Variants in ZFHX3 observed in about 807,000 individuals in gnomAD.
The protein encoded by ZFHX3 is zinc finger homeobox protein 3.
Under a neutral mutation model 279.1 loss-of-function variants are expected in ZFHX3, and 42 were observed. The ratio of observed to expected loss-of-function variants is 0.15; its 90% confidence interval spans 0.12 to 0.19. ZFHX3 has a LOEUF of 0.19. Among genes scored for constraint, ZFHX3 ranks in the 10% least tolerant of loss-of-function variants. The probability of loss-of-function intolerance (pLI) is 1.00; values close to 1 mark genes in which losing one functional copy is unlikely to be tolerated. For missense variants in ZFHX3, 4,981 were observed against 4,754.0 expected, an observed-to-expected ratio of 1.05 and a Z score of -1.40; for synonymous variants, 2,293 against 1,957.8, an observed-to-expected ratio of 1.17 and a Z score of -4.52.
At chr16:73,612,126 A>G (rs1057235300) in intron 2 of ZFHX3, among the ~76,000 whole-genome samples, 12 of 152,236 alleles carry the variant, frequency 7.9e-5, no homozygotes, top group Non-Finnish European at 1.8e-4. Flanking sequence ...TGGGAAACTA[A>G]AGGCAATTAA....
chr16:73,310,558 G>T (rs1018467972), intron 4 of ZFHX3, among the ~76,000 whole-genome samples: 2 of 152,020 alleles, frequency 1.3e-5, no homozygotes, highest in Admixed American at 1.3e-4. Context: ...GTCACAACTG[G>T]GGTGGCAGCA....
chr16:72,797,165 A>G lies in ZFHX3; in HGVS notation c.5517T>C (p.Val1839=), dbSNP rs764678899. The change falls in exon 9 of 10, where the codon GTT becomes GTC. Residue 1839 remains valine, a synonymous_variant. Coordinates refer to ENST00000268489, the MANE Select transcript of ZFHX3 (RefSeq NM_006885.4). ...GCTGATGGCTCTGCTGTGGGACCTG[A>G]ACCTGAGCCTTCAGATCTTCCAGCA... is the stretch of plus-strand genomic sequence containing the variant. ...PGLLEDLKAQ[V]QVPQQSHQQI... The G allele has an allele frequency of 6.2e-7, 1 of 1,613,862 alleles. No homozygotes were observed. Among genetic ancestry groups the G allele is most frequent in the South Asian group, 1.1e-5 (1 of 91,066 alleles).
chr16:73,335,792 C>A (rs1176929496), intron 3 of ZFHX3, among the ~76,000 whole-genome samples: 1 of 152,176 alleles, frequency 6.6e-6, no homozygotes, highest in African/African-American at 2.4e-5. Context: ...GCTCTGAGAG[C>A]AGAAATGGTC....
intron 5 of ZFHX3, among the ~76,000 whole-genome samples, chr16:73,235,083 T>C (rs921571103): frequency 6.6e-6 from 1 of 152,232 alleles, no homozygotes; most frequent in Non-Finnish European, 1.5e-5. Flanking sequence ...TTATTTACTT[T>C]TTTTGAGACG....
intron 3 of ZFHX3, among the ~76,000 whole-genome samples, chr16:73,381,314 A>G (rs919415154): frequency 1.2e-4 from 18 of 152,224 alleles, no homozygotes; most frequent in African/African-American, 4.1e-4. Context: ...GGTTAAAAAT[A>G]TCTTAGATTC....
chr16:73,352,176 C>T (rs966434899), intron 3 of ZFHX3, among the ~76,000 whole-genome samples: 4 of 152,212 alleles, frequency 2.6e-5, no homozygotes, highest in African/African-American at 9.6e-5. Flanking sequence ...TCATGCCTCT[C>T]ACCCGCAGAG....
intron 1 of ZFHX3, among the ~76,000 whole-genome samples, chr16:73,805,151 C>T (rs1295939520): frequency 1.3e-5 from 2 of 151,830 alleles, no homozygotes; most frequent in Non-Finnish European, 1.5e-5. Flanking sequence ...TTTATATATT[C>T]GTTATATTTT....
intron 2 of ZFHX3, among the ~76,000 whole-genome samples, chr16:73,657,599 C>A (rs148661492): frequency 6.6e-6 from 1 of 152,088 alleles, no homozygotes; most frequent in Non-Finnish European, 1.5e-5. Flanking sequence ...CCTCTCAAAC[C>A]CCCATCTCCT....
chr16:73,849,447 A>T (rs916562743), intron 1 of ZFHX3, among the ~76,000 whole-genome samples: 3 of 152,102 alleles, frequency 2.0e-5, no homozygotes, highest in African/African-American at 7.2e-5. Context: ...GGAAGGTATG[A>T]TTTCTATTTT....
intron 1 of ZFHX3, among the ~76,000 whole-genome samples, chr16:73,038,942 C>T (rs761529526): frequency 3.1e-4 from 47 of 151,772 alleles, no homozygotes; most frequent in Non-Finnish European, 6.5e-4. Context: ...GGAATACAGG[C>T]GTGCACCACC....
At chr16:73,539,433 C>CTTCTTTTT (rs2019970949) in intron 2 of ZFHX3, among the ~76,000 whole-genome samples, 1 of 65,086 alleles carries the variant, frequency 1.5e-5, no homozygotes, top group East Asian at 5.0e-4. Context: ...TCCTCTTCTT[C>CTTCTTTTT]TTTTTTTTTT....
At chr16:73,336,209 G>A (rs2015909473) in intron 3 of ZFHX3, among the ~76,000 whole-genome samples, 1 of 152,172 alleles carries the variant, frequency 6.6e-6, no homozygotes, top group African/African-American at 2.4e-5. Flanking sequence ...AAGGCACTGG[G>A]TGTTAATTAT....
chr16:73,051,403 GAA>G (rs1965447734), upstream of ZFHX3, among the ~76,000 whole-genome samples: 1 of 152,152 alleles, frequency 6.6e-6, no homozygotes. Flanking sequence ...CCTGGGTATG[GAA>G]CAGAATGCAG....
At chr16:73,715,467 G>C (rs373442261) in intron 1 of ZFHX3, among the ~76,000 whole-genome samples, 1 of 151,370 alleles carries the variant, frequency 6.6e-6, no homozygotes, top group South Asian at 2.1e-4. Context: ...CACAACCTGT[G>C]AGAGAGCTTA....
intron 2 of ZFHX3, among the ~76,000 whole-genome samples, chr16:73,636,869 A>G (rs1374015361): frequency 6.6e-6 from 1 of 152,176 alleles, no homozygotes; most frequent in Non-Finnish European, 1.5e-5. Flanking sequence ...TACAATAAAA[A>G]TCTCTAAGTT....
intron 5 of ZFHX3, among the ~76,000 whole-genome samples, chr16:72,812,367 T>G (rs1410068186): frequency 2.1e-5 from 3 of 142,360 alleles, no homozygotes; most frequent in African/African-American, 5.0e-5. Flanking sequence ...TGCTGGCTTG[T>G]GGGGGGCAGT....
chr16:73,814,113 A>C (rs1271781342), intron 1 of ZFHX3, among the ~76,000 whole-genome samples: 1 of 152,214 alleles, frequency 6.6e-6, no homozygotes, highest in African/African-American at 2.4e-5. Context: ...CAGAGAGAGC[A>C]GTGTGATAAG....
chr16:73,035,730 A>G (rs1950534170), intron 1 of ZFHX3, among the ~76,000 whole-genome samples: 2 of 152,196 alleles, frequency 1.3e-5, no homozygotes, highest in Admixed American at 1.3e-4. Context: ...TACTAAAAAT[A>G]CAAAACAAAA....
chr16:73,251,793 TGC>T (rs1355409190), intron 5 of ZFHX3, among the ~76,000 whole-genome samples: 4 of 81,650 alleles, frequency 4.9e-5, no homozygotes, highest in Non-Finnish European at 4.3e-5. Context: ...GCACACACCA[TGC>T]ACACACGCAC....
Sources: gnomAD v4.1 joint callset for allele counts (sites outside exome capture counted in the v4.1 genomes callset) on GRCh38, gnomAD v4.1.1 for gene constraint, MANE v1.5 for transcripts, NCBI Gene and HGNC (gene_info 2026-07-23, HGNC 2026-07-21) for gene names.